Variants in LRRTM4 observed in about 807,000 individuals in gnomAD.
LRRTM4 encodes the protein leucine rich repeat transmembrane neuronal 4.
A neutral mutation model predicts 47.6 loss-of-function variants in LRRTM4; 25 were observed. The observed-to-expected ratio is 0.53, with a 90% CI of 0.38 to 0.73. The LOEUF is 0.73. LRRTM4 is among the 30% of genes least tolerant of loss of function. The pLI is 0.00. For missense variants in LRRTM4, 638 were observed against 713.4 expected, an observed-to-expected ratio of 0.89 and a Z score of 1.20; for synonymous variants, 311 against 269.5, an observed-to-expected ratio of 1.15 and a Z score of -1.51.
intron 3 of LRRTM4, among the ~76,000 whole-genome samples, chr2:76,897,943 T>C (rs886073540): frequency 6.6e-6 from 1 of 152,160 alleles, no homozygotes; most frequent in Non-Finnish European, 1.5e-5. Context: ...ACAATCTAAA[T>C]AGGAAACGCT....
At chr2:77,016,748 G>C (rs1449598643) in intron 3 of LRRTM4, among the ~76,000 whole-genome samples, 1 of 152,072 alleles carries the variant, frequency 6.6e-6, no homozygotes, top group Non-Finnish European at 1.5e-5. Context: ...TTACATATTA[G>C]AATTACACTT....
chr2:77,324,389 A>T (rs1670677710), intron 3 of LRRTM4, among the ~76,000 whole-genome samples: 1 of 152,120 alleles, frequency 6.6e-6, no homozygotes, highest in African/African-American at 2.4e-5. Flanking sequence ...TTTCTGACAG[A>T]AGTGCTACCA....
intron 3 of LRRTM4, among the ~76,000 whole-genome samples, chr2:77,068,946 C>A (rs1484085473): frequency 6.6e-6 from 1 of 151,536 alleles, no homozygotes; most frequent in Non-Finnish European, 1.5e-5. Context: ...CATGAGCGAT[C>A]TGTGCCTTAA....
At chr2:76,860,052 G>A (rs1672266131) in intron 3 of LRRTM4, among the ~76,000 whole-genome samples, 1 of 152,150 alleles carries the variant, frequency 6.6e-6, no homozygotes. Context: ...ATACAGAAAG[G>A]CCTGGGAATT....
intron 3 of LRRTM4, among the ~76,000 whole-genome samples, chr2:77,158,549 A>G (rs1437299393): frequency 6.6e-6 from 1 of 151,700 alleles, no homozygotes; most frequent in Non-Finnish European, 1.5e-5. Flanking sequence ...TTTTTTTGCA[A>G]TATTCTGTTT....
At chr2:76,807,942 TTTCTTTC>T (rs1670592135) in intron 3 of LRRTM4, among the ~76,000 whole-genome samples, 1 of 136,042 alleles carries the variant, frequency 7.4e-6, no homozygotes, top group African/African-American at 3.0e-5. Context: ...CCTTTCTTTC[TTTCTTTC>T]TTTCTTTTTC....
intron 3 of LRRTM4, among the ~76,000 whole-genome samples, chr2:77,230,529 A>G: frequency 6.6e-6 from 1 of 152,174 alleles, no homozygotes; most frequent in Non-Finnish European, 1.5e-5. Flanking sequence ...ATAAAATAAG[A>G]TTGTGAAGAA....
At chr2:76,797,834 G>A (rs1397543806) in intron 3 of LRRTM4, among the ~76,000 whole-genome samples, 1 of 151,396 alleles carries the variant, frequency 6.6e-6, no homozygotes, top group East Asian at 1.9e-4. Flanking sequence ...TGATAAAACA[G>A]ACTTTAAACC....
intron 3 of LRRTM4, among the ~76,000 whole-genome samples, chr2:76,987,895 A>T (rs962206677): frequency 6.6e-6 from 1 of 151,884 alleles, no homozygotes; most frequent in Non-Finnish European, 1.5e-5. Context: ...CAAAAAAGAA[A>T]AGAGCTGAAT....
At chr2:77,098,866 TAAA>T (rs1670877610) in intron 3 of LRRTM4, among the ~76,000 whole-genome samples, 1 of 151,646 alleles carries the variant, frequency 6.6e-6, no homozygotes, top group Admixed American at 6.6e-5. Context: ...TAAAAGTCAA[TAAA>T]AAAGGAAAAA....
At chr2:77,150,341 C>A (rs951658861) in intron 3 of LRRTM4, among the ~76,000 whole-genome samples, 2 of 152,098 alleles carry the variant, frequency 1.3e-5, no homozygotes, top group African/African-American at 4.8e-5. Context: ...TCTCTCTTTT[C>A]TCTCTTTTTT....
At chr2:77,248,161 A>G (rs2104006700) in intron 3 of LRRTM4, among the ~76,000 whole-genome samples, 1 of 151,266 alleles carries the variant, frequency 6.6e-6, no homozygotes, top group South Asian at 2.1e-4. Context: ...GAATATATAA[A>G]TGTATATATA....
In LRRTM4 at chr2:76,903,640, C is replaced by A. The variant is rs1247550829; in HGVS notation, c.1552-154724G>T. ...TGGTGTTTGTTGGTGATATTATTAT[C>A]TAGAGAAATTAGGACTTTGAGCAGT... On this transcript the variant is annotated intron_variant, in intron 3 of 3. Transcript: ENST00000409884. Among the ~76,000 whole-genome samples the A allele has an allele frequency of 7.9e-5, 12 of 152,120 alleles. 1 individual carries two copies. The highest frequency in any genetic ancestry group is 3.3e-4 in the Admixed American group (5 of 15,274).
chr2:77,519,015 T>C lies in LRRTM4; in HGVS notation c.854A>G (p.Asp285Gly). 1.2e-6 allele frequency: 2 copies of C among 1,611,942 alleles called. No individual in the cohort carries two copies. Among genetic ancestry groups the C allele is most frequent in the Non-Finnish European group, 1.7e-6 (2 of 1,178,894 alleles). The part of the protein sequence containing the change: ...CLPNLQKLNL[D>G]SNKLTNISQE... ...TGAGATATTGGTGAGCTTGTTGGAA[T>C]CCAAATTCAATTTTTGTAAATTGGG... Residue 285 changes from aspartate to glycine, a missense_variant, in exon 3 of 4, where the codon GAT (aspartate) becomes GGT (glycine). Transcript: ENST00000409884. The surrounding 1 kb of genome is among the most constrained non-coding windows in gnomAD (Gnocchi z 4.6).
intron 3 of LRRTM4, among the ~76,000 whole-genome samples, chr2:76,850,934 G>C (rs1168492694): frequency 2.6e-5 from 4 of 152,136 alleles, no homozygotes; most frequent in Admixed American, 6.5e-5. Context: ...TCTTATTGTA[G>C]ACTCCTTTAG....
At chr2:76,802,214 C>G (rs1370488094) in intron 3 of LRRTM4, among the ~76,000 whole-genome samples, 1 of 134,278 alleles carries the variant, frequency 7.4e-6, no homozygotes, top group African/African-American at 2.8e-5. Context: ...ATCTTATATA[C>G]AAAAAATCCT....
intron 3 of LRRTM4, among the ~76,000 whole-genome samples, chr2:77,480,445 A>G (rs889617040): frequency 2.4e-4 from 36 of 152,184 alleles, no homozygotes; most frequent in African/African-American, 8.2e-4. Flanking sequence ...TGCAAAGAGA[A>G]GAGAGCACAG....
chr2:77,003,290 A>T (rs893402990), intron 3 of LRRTM4, among the ~76,000 whole-genome samples: 1 of 151,748 alleles, frequency 6.6e-6, no homozygotes, highest in East Asian at 1.9e-4. Context: ...TTTCATTATT[A>T]TTATAATAAA....
rs538619025 is a variant in LRRTM4, at chr2:77,414,667, C to A, written c.1551+103651G>T. On this transcript the variant is annotated intron_variant, in intron 3 of 3. Transcript: ENST00000409884. Reference sequence around the variant, plus strand: ...GGAGGATTGTTCTTACCCAACCACACTTTCTTTGGAAACAATGCTTACTGG... The same window carrying A: ...GGAGGATTGTTCTTACCCAACCACAATTTCTTTGGAAACAATGCTTACTGG... Among the ~76,000 whole-genome samples the A allele has an allele frequency of 9.8e-5, 15 of 152,314 alleles. No individual in the cohort carries two copies. In the South Asian group the frequency reaches 2.9e-3, roughly 29 times the overall value.
Sources: gnomAD v4.1 joint callset for allele counts (sites outside exome capture counted in the v4.1 genomes callset) on GRCh38, gnomAD v4.1.1 for gene constraint, Gnocchi (gnomAD v3.1) non-coding constraint, MANE v1.5 for transcripts, NCBI Gene and HGNC (gene_info 2026-07-23, HGNC 2026-07-21) for gene names.